The following HTRA1 variants were observed in gnomAD, a reference collection of about 807,000 sequenced individuals.
The protein encoded by HTRA1 is HtrA serine peptidase 1.
A neutral mutation model predicts 49.7 loss-of-function variants in HTRA1; 26 were observed. The ratio of observed to expected loss-of-function variants is 0.52; its 90% CI spans 0.38 to 0.73. The LOEUF is 0.73. Among genes scored for constraint, HTRA1 ranks in the 30% least tolerant of loss-of-function variants. The pLI, the probability that HTRA1 is intolerant of heterozygous loss-of-function variation, is 0.00. For synonymous variants in HTRA1, 291 were observed against 286.9 expected (o/e 1.01, Z -0.14); for missense variants, 561 against 667.2 (o/e 0.84, Z 1.75).
intron 8 of HTRA1, among the ~76,000 whole-genome samples, chr10:122,512,848 C>A (rs547018007): frequency 6.6e-6 from 1 of 152,274 alleles, no homozygotes; most frequent in South Asian, 2.1e-4. Flanking sequence ...TATCCCTCAT[C>A]CCTGTCCCAG....
chr10:122,502,486 C>T (rs1280590921), intron 3 of HTRA1, among the ~76,000 whole-genome samples: 2 of 152,190 alleles, frequency 1.3e-5, no homozygotes, highest in Non-Finnish European at 2.9e-5. Context: ...AGGACTCTGA[C>T]ACCCTCACTG....
chr10:122,504,708 C>T (rs1019672058), intron 3 of HTRA1, among the ~76,000 whole-genome samples: 7 of 152,236 alleles, frequency 4.6e-5, no homozygotes, highest in East Asian at 1.9e-4. Flanking sequence ...CCTCCTGCCC[C>T]GCCTGCACGC....
intron 3 of HTRA1, among the ~76,000 whole-genome samples, chr10:122,492,106 CTG>C (rs1219270618): frequency 1.3e-5 from 2 of 152,030 alleles, no homozygotes; most frequent in African/African-American, 4.8e-5. Flanking sequence ...CCAGCAGAAA[CTG>C]TGCTTGAGGA....
At chr10:122,488,806 G>C (rs2097494321) in intron 1 of HTRA1, 96 bp from the exon 2 acceptor site, 1 of 966,110 alleles carries the variant, frequency 1.0e-6, no homozygotes, top group Non-Finnish European at 1.7e-6. Flanking sequence ...AATTCCAAAG[G>C]CTGGGCATGC....
chr10:122,466,090 G>A (rs2097483639), intron 1 of HTRA1, among the ~76,000 whole-genome samples: 1 of 152,150 alleles, frequency 6.6e-6, no homozygotes, highest in Admixed American at 6.5e-5. Context: ...AAAGGCAGAG[G>A]CTGTATGTAC....
At position 122,506,875 on chromosome 10, in the gene HTRA1, C is replaced by G; in HGVS notation, c.962C>G (p.Ala321Gly). 2 of 1,613,528 alleles carry G rather than the reference C, an allele frequency of 1.2e-6. No individual in the cohort carries two copies. Among genetic ancestry groups the G allele is most frequent in the Non-Finnish European group, 1.7e-6 (2 of 1,179,972 alleles). ...GACATGGACTACATCCAGACCGACG[C>G]CATCATCAACGTGAGCCTCTGTCCC... ...NSDMDYIQTD[A>G]IINYGNSGGP... Residue 321 changes from alanine (A) to glycine (G), a missense_variant, in exon 4 of 9, where the codon GCC becomes GGC. Ala to Gly is a moderately conservative substitution (Grantham distance 60). This residue lies in a region of HTRA1 where 271 missense variants were observed against 410.0 expected (regional missense o/e 0.66). Transcript: ENST00000368984. The surrounding 1 kb of genome is among the most constrained non-coding windows in gnomAD (Gnocchi z 5.2).
In HTRA1 at chr10:122,502,753, A is replaced by G. The variant is rs114847750; in HGVS notation, c.778-3938A>G. 9.4e-3 allele frequency among the ~76,000 whole-genome samples: 1,438 copies of G among 152,262 alleles called. 27 individuals are homozygous for G. Among genetic ancestry groups the G allele is most frequent in the African/African-American group, 0.033 (1,366 of 41,530 alleles). On this transcript the variant is annotated intron_variant, in intron 3 of 8. Coordinates refer to ENST00000368984, the MANE Select transcript of HTRA1 (RefSeq NM_002775.5). Reference sequence around the variant, plus strand: ...CACTGCAGAAAGACTGTCGTCCCCAAAGGTTTTGCACCAAACTTGAGCTAC... The same window carrying G: ...CACTGCAGAAAGACTGTCGTCCCCAGAGGTTTTGCACCAAACTTGAGCTAC...
At chr10:122,466,229 G>A (rs752901745) in intron 1 of HTRA1, among the ~76,000 whole-genome samples, 4 of 152,214 alleles carry the variant, frequency 2.6e-5, no homozygotes, top group South Asian at 2.1e-4. Context: ...GCAGTGGCGC[G>A]ATCTCGGCTC....
At chr10:122,469,378 C>G (rs147623932) in intron 1 of HTRA1, among the ~76,000 whole-genome samples, 1 of 152,190 alleles carries the variant, frequency 6.6e-6, no homozygotes, top group Admixed American at 6.5e-5. Context: ...GTGCAGTCAC[C>G]ACTTGATGGA....
intron 1 of HTRA1, among the ~76,000 whole-genome samples, chr10:122,462,677 T>C (rs1029858360): frequency 6.6e-6 from 1 of 152,206 alleles, no homozygotes; most frequent in Non-Finnish European, 1.5e-5. Context: ...CTCCAAAAAG[T>C]CTACCCCGAG....
intron 1 of HTRA1, among the ~76,000 whole-genome samples, chr10:122,470,250 C>T (rs1170621781): frequency 6.6e-6 from 1 of 152,202 alleles, no homozygotes; most frequent in Non-Finnish European, 1.5e-5. Flanking sequence ...AACCTGGGTC[C>T]TAGCCCCATT....
chr10:122,500,315 G>A (rs2247438), intron 3 of HTRA1, among the ~76,000 whole-genome samples: 144,593 of 152,274 alleles, frequency 0.95, 68,814 homozygotes, highest in South Asian at 0.98. Flanking sequence ...GGGATTTATT[G>A]GGGACCCTGT....
chr10:122,488,830 C>A (rs1359014804), intron 1 of HTRA1, 72 bp from the exon 2 acceptor site: 1 of 1,239,912 alleles, frequency 8.1e-7, no homozygotes, highest in African/African-American at 1.5e-5. Context: ...TTGGCTTCCT[C>A]TAACCCATGT....
At chr10:122,476,829 G>T (rs2097488713) in intron 1 of HTRA1, among the ~76,000 whole-genome samples, 1 of 152,162 alleles carries the variant, frequency 6.6e-6, no homozygotes, top group Admixed American at 6.5e-5. Context: ...GTGCTGAGCT[G>T]TGAGTGGAAC....
At position 122,489,793 on chromosome 10, in the gene HTRA1, G is replaced by A. The variant is rs2239587; in HGVS notation, c.777+167G>A. Among the ~76,000 whole-genome samples, 22,445 of 151,934 alleles carry A rather than the reference G, an allele frequency of 0.15. 1,955 individuals carry two copies. The highest frequency in any genetic ancestry group is 0.37 in the East Asian group (1,893 of 5,162). On this transcript the variant is annotated intron_variant, in intron 3 of 8. Coordinates refer to ENST00000368984, the MANE Select transcript of HTRA1 (RefSeq NM_002775.5). ...GATGCTGAGTATGGCCTGGGGGTGT[G>A]GGAGAGGAAGGGGCTCAGGAAAACT... is the stretch of plus-strand genomic sequence containing the variant.
intron 3 of HTRA1, among the ~76,000 whole-genome samples, chr10:122,497,164 A>G (rs949275202): frequency 3.5e-4 from 53 of 152,304 alleles, no homozygotes; most frequent in African/African-American, 1.2e-3. Flanking sequence ...TGGTTAAACA[A>G]AGCACCAGAA....
At chr10:122,508,621 A>G (rs2097504204) in intron 5 of HTRA1, 35 bp from the exon 6 acceptor site, 2 of 1,343,932 alleles carry the variant, frequency 1.5e-6, no homozygotes, top group Non-Finnish European at 2.1e-6. Flanking sequence ...GTAAAGCTTC[A>G]CGATTCAGTA....
chr10:122,470,685 G>A (rs1040489803), intron 1 of HTRA1, among the ~76,000 whole-genome samples: 5 of 151,968 alleles, frequency 3.3e-5, no homozygotes, highest in African/African-American at 1.2e-4. Flanking sequence ...GGAATATGAA[G>A]GAGCTTTGTC....
chr10:122,498,280 C>T (rs1334379709), intron 3 of HTRA1, among the ~76,000 whole-genome samples: 2 of 152,144 alleles, frequency 1.3e-5, no homozygotes, highest in Non-Finnish European at 2.9e-5. Flanking sequence ...ATTCTACCTT[C>T]TCTACTCCCC....
Sources: allele counts gnomAD v4.1 joint callset (sites outside exome capture counted in the v4.1 genomes callset), GRCh38; gene constraint gnomAD v4.1.1; regional missense constraint gnomAD v4.1.1; non-coding constraint Gnocchi (gnomAD v3.1); transcripts MANE v1.5; gene names NCBI Gene and HGNC (gene_info 2026-07-23, HGNC 2026-07-21).